The following MACROD2 variants were observed in gnomAD, a reference collection of about 807,000 sequenced individuals.
MACROD2 encodes ADP-ribose glycohydrolase MACROD2.
In MACROD2, 36 loss-of-function variants were observed where a neutral mutation model predicts 70.4. That is an observed-to-expected ratio of 0.51 (90% CI 0.39 to 0.68). MACROD2 has a LOEUF of 0.68. Among genes scored for constraint, MACROD2 ranks in the 30% least tolerant of loss-of-function variants. The pLI, the probability that MACROD2 is intolerant of heterozygous loss-of-function variation, is 0.00. For missense variants in MACROD2, 496 were observed against 538.4 expected, an observed-to-expected ratio of 0.92 and a Z score of 0.78; for synonymous variants, 172 against 178.8, an observed-to-expected ratio of 0.96 and a Z score of 0.30.
chr20:15,272,504 G>C (rs1436230309), intron 6 of MACROD2, among the ~76,000 whole-genome samples: 1 of 152,192 alleles, frequency 6.6e-6, no homozygotes, highest in Non-Finnish European at 1.5e-5. Flanking sequence ...TAAGTAAACT[G>C]TTTTCAGAAC....
At chr20:14,682,315 G>A (rs2070942142) in intron 4 of MACROD2, among the ~76,000 whole-genome samples, 1 of 151,738 alleles carries the variant, frequency 6.6e-6, no homozygotes. Flanking sequence ...AGAGAAATTA[G>A]GACTTAATTT....
intron 4 of MACROD2, among the ~76,000 whole-genome samples, chr20:14,679,985 A>C (rs1464546242): frequency 1.3e-5 from 2 of 152,218 alleles, no homozygotes; most frequent in Non-Finnish European, 2.9e-5. Context: ...AAGGAACCAC[A>C]CTGAGTGAGA....
chr20:15,078,964 C>T (rs1309321191), intron 5 of MACROD2, among the ~76,000 whole-genome samples: 1 of 152,062 alleles, frequency 6.6e-6, no homozygotes, highest in Admixed American at 6.6e-5. Flanking sequence ...CACTTTCTTA[C>T]AGTGAGGCCT....
chr20:15,844,094 A>C (rs1158905997), intron 8 of MACROD2, among the ~76,000 whole-genome samples: 1 of 151,876 alleles, frequency 6.6e-6, no homozygotes, highest in African/African-American at 2.4e-5. Context: ...TCTTAAAGAG[A>C]AAACTGTGAA....
Position 15,048,931 on chromosome 20 carries a change from A to AT in MACROD2, c.419-181001dup, listed in dbSNP as rs982409497. Among the ~76,000 whole-genome samples the AT allele has an allele frequency of 7.2e-5, 11 of 151,780 alleles. No homozygotes were observed. In the East Asian group the frequency reaches 1.2e-3, roughly 16 times the overall value. On this transcript the variant is annotated intron_variant, in intron 5 of 17. Coordinates refer to ENST00000684519, the MANE Select transcript of MACROD2 (RefSeq NM_001351661.2). ...ACAGTATATTTTGAACATTTTTCTCATTTTTTTTCTTTTTAATGGTTTCAT... is the reference window on the plus strand; with the variant it reads ...ACAGTATATTTTGAACATTTTTCTCATTTTTTTTTCTTTTTAATGGTTTCAT...
chr20:15,110,005 C>G (rs897359613), intron 5 of MACROD2, among the ~76,000 whole-genome samples: 7 of 152,036 alleles, frequency 4.6e-5, no homozygotes, highest in Non-Finnish European at 1.0e-4. Context: ...GTACAAGGAA[C>G]ATGATGATGG....
chr20:15,645,687 A>C (rs2049530614), intron 8 of MACROD2, among the ~76,000 whole-genome samples: 1 of 152,228 alleles, frequency 6.6e-6, no homozygotes, highest in Non-Finnish European at 1.5e-5. Context: ...AATATCTTTC[A>C]AAAGTTAAAA....
chr20:15,991,009 A>C (rs1392796317), intron 15 of MACROD2, among the ~76,000 whole-genome samples: 1 of 152,078 alleles, frequency 6.6e-6, no homozygotes, highest in Non-Finnish European at 1.5e-5. Context: ...CCTCAGTTTT[A>C]GTTATTGTAC....
chr20:15,919,387 C>G (rs931537684), intron 10 of MACROD2, among the ~76,000 whole-genome samples: 1 of 152,102 alleles, frequency 6.6e-6, no homozygotes, highest in Admixed American at 6.6e-5. Context: ...CATCAGCTAC[C>G]CTAGAAAATT....
At chr20:14,647,382 T>A (rs1457995400) in intron 4 of MACROD2, among the ~76,000 whole-genome samples, 1 of 152,138 alleles carries the variant, frequency 6.6e-6, no homozygotes, top group East Asian at 1.9e-4. Context: ...TGTTTTTGGG[T>A]ACACATGTAA....
chr20:15,958,595 A>G (rs2066011959), intron 12 of MACROD2, among the ~76,000 whole-genome samples: 1 of 152,154 alleles, frequency 6.6e-6, no homozygotes, highest in Non-Finnish European at 1.5e-5. Flanking sequence ...ACTAATTTGA[A>G]TGGCTGACAT....
intron 8 of MACROD2, among the ~76,000 whole-genome samples, chr20:15,825,580 G>A (rs1358050093): frequency 6.6e-6 from 1 of 151,742 alleles, no homozygotes; most frequent in Non-Finnish European, 1.5e-5. Context: ...CTCACTGCAA[G>A]CTCCGCCTCC....
At chr20:14,222,078 T>C (rs2081680024) in intron 3 of MACROD2, among the ~76,000 whole-genome samples, 1 of 152,204 alleles carries the variant, frequency 6.6e-6, no homozygotes, top group African/African-American at 2.4e-5. Context: ...AGTATGGGGA[T>C]TTCTTAAAGA....
intron 3 of MACROD2, among the ~76,000 whole-genome samples, chr20:14,210,391 G>A (rs556549173): frequency 6.6e-6 from 1 of 152,282 alleles, no homozygotes; most frequent in South Asian, 2.1e-4. Flanking sequence ...GACAGTTGGA[G>A]GCTGGATGCC....
At chr20:14,308,227 C>T (rs952673957) in intron 3 of MACROD2, among the ~76,000 whole-genome samples, 1 of 152,056 alleles carries the variant, frequency 6.6e-6, no homozygotes, top group Non-Finnish European at 1.5e-5. Flanking sequence ...CTTTATAAAC[C>T]CAAGCAAACA....
At chr20:14,193,265 G>C (rs1039731886) in intron 3 of MACROD2, among the ~76,000 whole-genome samples, 11 of 152,222 alleles carry the variant, frequency 7.2e-5, no homozygotes, top group Non-Finnish European at 1.5e-4. Context: ...ACAGAGCCAG[G>C]GATAGAAGAA....
chr20:14,487,715 T>G (rs1454342499), intron 3 of MACROD2, among the ~76,000 whole-genome samples: 1 of 152,208 alleles, frequency 6.6e-6, no homozygotes, highest in Non-Finnish European at 1.5e-5. Context: ...CTTCATGGAT[T>G]TTACAGCTTA....
At chr20:14,205,544 C>T (rs147535160) in intron 3 of MACROD2, among the ~76,000 whole-genome samples, 1,818 of 152,254 alleles carry the variant, frequency 0.012, 19 homozygotes, top group South Asian at 0.037. Flanking sequence ...GCATGCGGGC[C>T]CTTAGTCTGA....
intron 8 of MACROD2, among the ~76,000 whole-genome samples, chr20:15,804,300 T>C (rs77335344): frequency 0.012 from 1,895 of 152,336 alleles, 45 homozygotes; most frequent in African/African-American, 0.043. Context: ...ATACAAATGC[T>C]GTCCTTATGT....
Sources: allele counts gnomAD v4.1 joint callset (sites outside exome capture counted in the v4.1 genomes callset), GRCh38; gene constraint gnomAD v4.1.1; transcripts MANE v1.5; gene names NCBI Gene and HGNC (gene_info 2026-07-23, HGNC 2026-07-21).